Variants in SLC28A1 observed in about 807,000 individuals in gnomAD.
The protein encoded by SLC28A1 is sodium/nucleoside cotransporter 1.
In SLC28A1, 64 loss-of-function variants were observed where a neutral mutation model predicts 74.8. The observed-to-expected ratio is 0.86, with a 90% CI of 0.70 to 1.05. The LOEUF (loss-of-function observed/expected upper bound fraction) is 1.05, where lower values mean the gene tolerates loss of function less well. Among genes scored for constraint, SLC28A1 ranks in the 50% least tolerant of loss-of-function variants. The pLI is 0.00. For missense variants in SLC28A1, 828 were observed against 822.8 expected (o/e 1.01, Z -0.08); for synonymous variants, 359 against 335.0 (o/e 1.07, Z -0.78).
chr15:84,926,932 C>T (rs1970590138), intron 12 of SLC28A1, among the ~76,000 whole-genome samples: 1 of 152,158 alleles, frequency 6.6e-6, no homozygotes, highest in Non-Finnish European at 1.5e-5. Flanking sequence ...AACAGCCAGC[C>T]TGCCCCTCCA....
chr15:84,906,239 C>T (rs181817413), intron 8 of SLC28A1, among the ~76,000 whole-genome samples: 78 of 149,482 alleles, frequency 5.2e-4, no homozygotes, highest in African/African-American at 1.8e-3. Flanking sequence ...AGGCTGGTCT[C>T]GAACTCCTGA....
intron 9 of SLC28A1, among the ~76,000 whole-genome samples, chr15:84,910,504 G>A (rs1457601191): frequency 4.6e-5 from 7 of 152,254 alleles, no homozygotes; most frequent in East Asian, 1.9e-4. Context: ...TGAGGCAGGC[G>A]GATCACTTGA....
the SLC28A1 span, chr15:84,961,721 A>ACAG: frequency 3.1e-6 from 1 of 318,422 alleles, no homozygotes; most frequent in Non-Finnish European, 6.2e-6. Flanking sequence ...GTTAATTAAT[A>ACAG]CAGCAGCAGT....
chr15:84,920,732 C>T (rs981223576), intron 10 of SLC28A1, among the ~76,000 whole-genome samples: 10 of 120,764 alleles, frequency 8.3e-5, no homozygotes, highest in Admixed American at 6.7e-4. Flanking sequence ...GTGCATTTCA[C>T]AATTCTCAAA....
At chr15:84,928,607 CTTTCTTTCT>C (rs1970886773) in intron 12 of SLC28A1, among the ~76,000 whole-genome samples, 1 of 29,876 alleles carries the variant, frequency 3.3e-5, no homozygotes, top group Non-Finnish European at 6.3e-5. Flanking sequence ...TCTTTCTTTT[CTTTCTTTCT>C]TTTCTTTCTT....
intron 8 of SLC28A1, among the ~76,000 whole-genome samples, chr15:84,906,528 G>GTTTGTTTCTTTCTTTC (rs1338402066): frequency 6.5e-5 from 4 of 61,996 alleles, no homozygotes; most frequent in South Asian, 6.8e-4. Flanking sequence ...TTGTTTGTTT[G>GTTTGTTTCTTTCTTTC]TTTCTTTCTT....
the SLC28A1 span, among the ~76,000 whole-genome samples, chr15:84,952,291 C>G: frequency 9.8e-5 from 15 of 152,346 alleles, no homozygotes; most frequent in East Asian, 2.9e-3. Flanking sequence ...GCTATCTGCT[C>G]TCTATACAGA....
At chr15:84,925,067 GTTTTTTTT>G (rs964017770) in intron 12 of SLC28A1, among the ~76,000 whole-genome samples, 6 of 84,148 alleles carry the variant, frequency 7.1e-5, no homozygotes, top group East Asian at 7.7e-4. Flanking sequence ...CGCCCAGCTA[GTTTTTTTT>G]TTTTTTTTTT....
rs1567140661 is a variant in SLC28A1, at chr15:84,906,571, T to TC, written c.717+919_717+920insC. Among the ~76,000 whole-genome samples, 304 of 41,478 alleles carry TC rather than the reference T, an allele frequency of 7.3e-3. 7 individuals carry two copies. Among genetic ancestry groups the TC allele is most frequent in the South Asian group, 0.021 (19 of 890 alleles). The allele number at this position is 41,478 out of a possible 152,430, so 27.2% of individuals were successfully genotyped here. On this transcript the variant is annotated intron_variant, in intron 8 of 18. Transcript: ENST00000394573. ...TTCTTTCTTTCTTTCTTTCTCTTTC[T>TC]TTCTTCCTTCCTTCCTTCCTTCCTT...
At chr15:84,925,464 G>C (rs1970406948) in intron 12 of SLC28A1, among the ~76,000 whole-genome samples, 1 of 152,146 alleles carries the variant, frequency 6.6e-6, no homozygotes, top group Non-Finnish European at 1.5e-5. Flanking sequence ...GCTGGCCGTG[G>C]TGGTGGGTGC....
chr15:84,894,937 C>T lies in SLC28A1; in HGVS notation c.278-3C>T. 1 of 1,614,096 alleles carries T rather than the reference C, an allele frequency of 6.2e-7. No individual in the cohort carries two copies. The highest frequency in any genetic ancestry group is 1.1e-5 in the South Asian group (1 of 91,078). ...TTGACCCCTCCTCTGTCTCATCCCC[C>T]AGGGCTCTCTGCCTTCCTGCTGGTG... On this transcript the variant is annotated splice_polypyrimidine_tract_variant and splice_region_variant and intron_variant, in intron 5 of 18. Transcript: ENST00000394573.
At chr15:84,966,626 A>T in the SLC28A1 span, among the ~76,000 whole-genome samples, 1 of 152,236 alleles carries the variant, frequency 6.6e-6, no homozygotes, top group South Asian at 2.1e-4. Flanking sequence ...TTTACAGTTC[A>T]TATGGCTGGG....
chr15:84,943,070 C>G (rs985709078), intron 15 of SLC28A1, among the ~76,000 whole-genome samples: 1 of 152,126 alleles, frequency 6.6e-6, no homozygotes, highest in Non-Finnish European at 1.5e-5. Context: ...CCTATAATCC[C>G]AGCTACTCGG....
At chr15:84,906,562 TTC>T (rs371323788) in intron 8 of SLC28A1, among the ~76,000 whole-genome samples, 18,592 of 92,606 alleles carry the variant, frequency 0.2, 2,019 homozygotes, top group South Asian at 0.34. Context: ...CTTTCTTTCT[TTC>T]TCTTTCTTTC....
chr15:84,936,348 C>G (rs2142017143), intron 15 of SLC28A1, among the ~76,000 whole-genome samples: 1 of 152,216 alleles, frequency 6.6e-6, no homozygotes, highest in African/African-American at 2.4e-5. Context: ...ACTTCCACCT[C>G]CCGGGTTCGA....
the SLC28A1 span, among the ~76,000 whole-genome samples, chr15:84,951,846 T>C: frequency 6.6e-6 from 1 of 151,912 alleles, no homozygotes; most frequent in African/African-American, 2.4e-5. Flanking sequence ...TCCTGATACA[T>C]ATCCGAGGGG....
chr15:84,907,887 T>C (rs1967478070), intron 8 of SLC28A1, among the ~76,000 whole-genome samples: 1 of 152,184 alleles, frequency 6.6e-6, no homozygotes, highest in Non-Finnish European at 1.5e-5. Context: ...GTTTCTTTTC[T>C]GGTCATGTCC....
rs766639026 is a variant in SLC28A1 at position 84,905,629 on chromosome 15, G to C, written c.694G>C (p.Glu232Gln). 8 of 1,613,848 alleles carry C rather than the reference G, an allele frequency of 5.0e-6. No individual in the cohort carries two copies. In the South Asian group the frequency reaches 5.5e-5, roughly 11 times the overall value. Residue 232 changes from glutamate to glutamine, a missense_variant, in exon 8 of 19, where the codon GAG becomes CAG. By Grantham distance (29) the Glu-to-Gln change is conservative. Transcript: ENST00000394573. ...AACAGAACCAGGATTCATTGCGTTC[G>C]AGTGGCTGGGCGAGCAGATCCGGGT... Reference protein sequence around the residue: ...IRTEPGFIAFEWLGEQIRIFL... With the variant: ...IRTEPGFIAFQWLGEQIRIFL...
At chr15:84,932,463 C>T (rs555367275) in intron 12 of SLC28A1, among the ~76,000 whole-genome samples, 14 of 152,264 alleles carry the variant, frequency 9.2e-5, no homozygotes, top group Non-Finnish European at 1.9e-4. Flanking sequence ...CAGAAGGAGA[C>T]TGAGGGTCAA....
Sources: gnomAD v4.1 joint callset for allele counts (sites outside exome capture counted in the v4.1 genomes callset) on GRCh38, gnomAD v4.1.1 for gene constraint, MANE v1.5 for transcripts, NCBI Gene and HGNC (gene_info 2026-07-23, HGNC 2026-07-21) for gene names.